PPP2R2C: variants seen among roughly 807,000 people sequenced by gnomAD.
PPP2R2C encodes the protein protein phosphatase 2 regulatory subunit Bgamma.
Under a neutral mutation model 45.3 loss-of-function variants are expected in PPP2R2C, and 10 were observed. That is an observed-to-expected ratio of 0.22 (90% confidence interval 0.14 to 0.37). The LOEUF is 0.37. PPP2R2C is among the 10% of genes least tolerant of loss of function. PPP2R2C has a pLI of 1.00. For synonymous variants in PPP2R2C, 257 were observed against 245.4 expected, an observed-to-expected ratio of 1.05 and a Z score of -0.44; for missense variants, 308 against 619.7, an observed-to-expected ratio of 0.50 and a Z score of 5.34.
At chr4:6,336,478 C>T (rs546828599) in intron 6 of PPP2R2C, among the ~76,000 whole-genome samples, 21 of 152,138 alleles carry the variant, frequency 1.4e-4, no homozygotes, top group African/African-American at 4.6e-4. Flanking sequence ...CTCCTCCCTA[C>T]AACAGGAGCC....
chr4:6,498,337 T>G (rs1234136629), intron 2 of PPP2R2C, among the ~76,000 whole-genome samples: 2 of 152,214 alleles, frequency 1.3e-5, no homozygotes, highest in African/African-American at 4.8e-5. Context: ...GAATTAATAT[T>G]AGGACAGTGG....
intron 2 of PPP2R2C, among the ~76,000 whole-genome samples, chr4:6,511,844 TG>T (rs1222335456): frequency 1.2e-5 from 1 of 85,616 alleles, no homozygotes; most frequent in Non-Finnish European, 2.5e-5. Flanking sequence ...GTGATGGTGG[TG>T]GTGGTGGTGG....
chr4:6,438,830 T>C (rs534125744), intron 1 of PPP2R2C, among the ~76,000 whole-genome samples: 1 of 152,370 alleles, frequency 6.6e-6, no homozygotes, highest in African/African-American at 2.4e-5. Context: ...TTTCCATTTA[T>C]GGTAGAGGGC....
chr4:6,372,790 G>C, intron 4 of PPP2R2C, 90 bp from the exon 5 acceptor site: 5 of 1,361,598 alleles, frequency 3.7e-6, no homozygotes, highest in Non-Finnish European at 4.1e-6. Context: ...CCAACCGGAG[G>C]CTGGAACACA....
At chr4:6,475,819 C>G (rs943717885), upstream of PPP2R2C, among the ~76,000 whole-genome samples, 4 of 152,232 alleles carry the variant, frequency 2.6e-5, no homozygotes, top group African/African-American at 9.6e-5. Flanking sequence ...CGCACCATGT[C>G]CCCTCAAGTG....
intron 1 of PPP2R2C, among the ~76,000 whole-genome samples, chr4:6,421,405 GGAGT>G (rs1718951770): frequency 6.6e-6 from 1 of 152,170 alleles, no homozygotes; most frequent in Non-Finnish European, 1.5e-5. Context: ...GGCCCCAAAT[GGAGT>G]GAGGGTTTGT....
At chr4:6,554,201 G>T (rs977137969) in intron 1 of PPP2R2C, among the ~76,000 whole-genome samples, 2 of 152,172 alleles carry the variant, frequency 1.3e-5, no homozygotes, top group African/African-American at 4.8e-5. Flanking sequence ...CTGGAGTAGG[G>T]TTTACCCCCA....
At chr4:6,492,640 T>C (rs11730007) in intron 2 of PPP2R2C, among the ~76,000 whole-genome samples, 146,856 of 152,292 alleles carry the variant, frequency 0.96, 71,039 homozygotes, top group East Asian at 1. Context: ...ACTGGAGCCC[T>C]CATCCCTACA....
intron 1 of PPP2R2C, among the ~76,000 whole-genome samples, chr4:6,540,972 GC>G (rs778392066): frequency 6.6e-6 from 1 of 152,220 alleles, no homozygotes; most frequent in Non-Finnish European, 1.5e-5. Flanking sequence ...CTGTCTATCT[GC>G]TTCTCCATCC....
chr4:6,512,407 G>T (rs1038232204), intron 2 of PPP2R2C, among the ~76,000 whole-genome samples: 5 of 69,544 alleles, frequency 7.2e-5, no homozygotes, highest in Non-Finnish European at 1.2e-4. Context: ...GGTGGTGATG[G>T]TGGTGGTGGT....
intron 2 of PPP2R2C, among the ~76,000 whole-genome samples, chr4:6,502,810 A>G (rs939161897): frequency 6.6e-6 from 1 of 152,154 alleles, no homozygotes; most frequent in Non-Finnish European, 1.5e-5. Context: ...TCTAATTTTC[A>G]GGCCTCCAGT....
At position 6,381,621 on chromosome 4, in the gene PPP2R2C, T is replaced by C. The variant is rs1455264199; in HGVS notation, c.71-527A>G. 4.0e-6 allele frequency: 6 copies of C among 1,488,156 alleles called. No individual in the cohort carries two copies. In the Admixed American group the frequency reaches 9.6e-5, roughly 24 times the overall value. 92.2% of individuals were successfully genotyped at this position (1,488,156 alleles called of 1,614,324 possible). ...CCCTCTCCTTCAGACTCCTGCTCTG[T>C]GGCCCCACCTCCAGGCAGGCCTCTG... On this transcript the variant is annotated intron_variant, in intron 1 of 8. Transcript: ENST00000382599.
chr4:6,380,801 G>A (rs1202320475), intron 2 of PPP2R2C, among the ~76,000 whole-genome samples, 196 bp downstream of exon 2: 1 of 152,086 alleles, frequency 6.6e-6, no homozygotes, highest in Non-Finnish European at 1.5e-5. Flanking sequence ...ATGCCCCTGG[G>A]AGATGTGATC....
In PPP2R2C at chr4:6,378,317, A is replaced by G; in HGVS notation, c.334+90T>C. On this transcript the variant is annotated intron_variant, in intron 3 of 8. Coordinates refer to ENST00000382599, the MANE Select transcript of PPP2R2C (RefSeq NM_020416.4). This position sits in a 1 kb window ranked among gnomAD's most constrained non-coding sequence, Gnocchi z 5.2. The stretch of plus-strand genomic sequence containing the variant: ...CTAGGCGTTCTGAAGACATAGAAAA[A>G]TGCTCACAATATAAGTGAAATACAA... 2 of 1,582,152 alleles carry G rather than the reference A, an allele frequency of 1.3e-6. No individual in the cohort carries two copies. The highest frequency in any genetic ancestry group is 1.1e-5 in the South Asian group (1 of 87,120).
chr4:6,514,338 C>T (rs1256603799), intron 2 of PPP2R2C, among the ~76,000 whole-genome samples: 1 of 152,218 alleles, frequency 6.6e-6, no homozygotes, highest in Admixed American at 6.5e-5. Flanking sequence ...AGACGAGGTA[C>T]TGCCCAGGTA....
intron 5 of PPP2R2C, among the ~76,000 whole-genome samples, chr4:6,372,320 G>A (rs560641243): frequency 1.3e-5 from 2 of 152,324 alleles, no homozygotes; most frequent in South Asian, 2.1e-4. Flanking sequence ...CAGCAACCAC[G>A]ACTTTGCGGT....
chr4:6,410,202 T>C (rs1208015692), intron 1 of PPP2R2C, among the ~76,000 whole-genome samples: 1 of 152,154 alleles, frequency 6.6e-6, no homozygotes, highest in Non-Finnish European at 1.5e-5. Flanking sequence ...GTGTGAGCTG[T>C]GATTATACCA....
chr4:6,511,148 C>T (rs1313013989), intron 2 of PPP2R2C, among the ~76,000 whole-genome samples: 2 of 152,170 alleles, frequency 1.3e-5, no homozygotes. Context: ...CCATTGCATG[C>T]GGTTTAGTGA....
chr4:6,517,157 C>T (rs949238251), intron 2 of PPP2R2C, among the ~76,000 whole-genome samples: 2 of 152,204 alleles, frequency 1.3e-5, no homozygotes, highest in Admixed American at 6.5e-5. Context: ...CCAGATTGCT[C>T]GCCTGGCAGA....
Sources: allele counts gnomAD v4.1 joint callset (sites outside exome capture counted in the v4.1 genomes callset), GRCh38; gene constraint gnomAD v4.1.1; non-coding constraint Gnocchi (gnomAD v3.1); transcripts MANE v1.5; gene names NCBI Gene and HGNC (gene_info 2026-07-23, HGNC 2026-07-21).